The following SEPTIN2 variants were observed in gnomAD, a reference collection of about 807,000 sequenced individuals.
The protein encoded by SEPTIN2 is septin-2.
SEPTIN2 carries 34 observed loss-of-function variants against 46.5 expected under a neutral mutation model. The ratio of observed to expected loss-of-function variants is 0.73; its 90% CI spans 0.56 to 0.97. The LOEUF (loss-of-function observed/expected upper bound fraction) is 0.97. Ranked by LOEUF, SEPTIN2 falls within the 50% of genes least tolerant of loss-of-function variation. The pLI is 0.00. For missense variants in SEPTIN2, 347 were observed against 448.4 expected (o/e 0.77, Z 2.04); for synonymous variants, 175 against 153.4 (o/e 1.14, Z -1.04).
rs747945344 is a variant in SEPTIN2, at chr2:241,337,441, G to A, written c.401G>A (p.Ser134Asn). 2 of 1,614,080 alleles carry A rather than the reference G, an allele frequency of 1.2e-6. No individual in the cohort carries two copies. Among genetic ancestry groups the A allele is most frequent in the Non-Finnish European group, 1.7e-6 (2 of 1,179,996 alleles). Residue 134 changes from serine (S) to asparagine (N), a missense_variant, in exon 6 of 13, where the codon AGC becomes AAC. Transcript: ENST00000391971. ...TTTGAGAGGTACCTGCATGACGAGA[G>A]CGGCTTGAACAGGCGGCACATCATT... Reference protein sequence around the residue: ...EQFERYLHDESGLNRRHIIDN... With the variant: ...EQFERYLHDENGLNRRHIIDN...
intron 1 of SEPTIN2, among the ~76,000 whole-genome samples, chr2:241,320,837 TC>T (rs1342535789): frequency 1.3e-5 from 2 of 151,898 alleles, no homozygotes; most frequent in Non-Finnish European, 2.9e-5. Context: ...CCCTTCTTTT[TC>T]CCCCCCTCAT....
chr2:241,349,379 A>AT lies in SEPTIN2; in HGVS notation c.985-694_985-693insT, dbSNP rs1041717378. ...GCAAGATCCCATCCCTTTAAAAAAA[A>AT]AAAAATATATATATATGTATATGTA... On this transcript the variant is annotated intron_variant, in intron 11 of 12. Transcript: ENST00000391971. 5.3e-4 allele frequency among the ~76,000 whole-genome samples: 74 copies of AT among 139,452 alleles called. No individual in the cohort carries two copies. In the East Asian group the frequency reaches 5.8e-3, roughly 11 times the overall value. 91.5% of individuals were successfully genotyped at this position (139,452 alleles called of 152,430 possible).
intron 10 of SEPTIN2, among the ~76,000 whole-genome samples, chr2:241,347,296 T>C (rs1341309211): frequency 2.0e-5 from 3 of 152,182 alleles, no homozygotes; most frequent in African/African-American, 7.2e-5. Context: ...CACATTCTAA[T>C]AATTTGATGG....
intron 7 of SEPTIN2, among the ~76,000 whole-genome samples, chr2:241,338,030 G>A (rs2080330296): frequency 6.6e-6 from 1 of 152,126 alleles, no homozygotes; most frequent in Non-Finnish European, 1.5e-5. Context: ...AAATGCCCTC[G>A]ATGAGTAGCA....
intron 10 of SEPTIN2, 60 bp from the exon 11 acceptor site, chr2:241,348,074 G>A (rs199520320): frequency 2.3e-6 from 3 of 1,328,896 alleles, no homozygotes; most frequent in Non-Finnish European, 3.2e-6. Context: ...GAATTTTTTG[G>A]GGGGGTAGCA....
At chr2:241,317,515 T>A in intron 1 of SEPTIN2, 1 of 983,836 alleles carries the variant, frequency 1.0e-6, no homozygotes, top group African/African-American at 1.8e-5. Context: ...GAAACTGCTG[T>A]AAAAGAAGAA....
Position 241,335,267 on chromosome 2 carries a change from A to G in SEPTIN2, c.217+55A>G, listed in dbSNP as rs1022765076. The G allele has an allele frequency of 2.6e-5, 42 of 1,593,012 alleles. No individual in the cohort carries two copies. The Admixed American group carries it at 6.9e-4, about 26-fold the overall frequency. ...TAATTCTACATGAAAGATGCTGAAG[A>G]CTGCCTAATTAATATTTTATGTCTT... On this transcript the variant is annotated intron_variant, in intron 4 of 12. Transcript: ENST00000391971.
intron 3 of SEPTIN2, among the ~76,000 whole-genome samples, chr2:241,333,746 G>A (rs374553183): frequency 1.4e-4 from 21 of 152,106 alleles, no homozygotes; most frequent in African/African-American, 4.8e-4. Context: ...CTCATGATCC[G>A]CCTGCCTCGG....
At chr2:241,324,587 G>A (rs554545863) in intron 2 of SEPTIN2, 205 of 370,846 alleles carry the variant, frequency 5.5e-4, no homozygotes, top group Non-Finnish European at 9.5e-4. Context: ...GGGTTTCACC[G>A]TGTTGGCCAG....
At chr2:241,336,411 A>C in intron 5 of SEPTIN2, 1 of 311,074 alleles carries the variant, frequency 3.2e-6, no homozygotes, top group East Asian at 6.7e-5. Flanking sequence ...TGTGGAAGGA[A>C]GTGAAACCTG....
At chr2:241,327,050 C>CAAAAAA (rs59492636) in intron 3 of SEPTIN2, among the ~76,000 whole-genome samples, 1 of 66,014 alleles carries the variant, frequency 1.5e-5, no homozygotes, top group African/African-American at 7.2e-5. Flanking sequence ...AACCTTGTCT[C>CAAAAAA]AAAAAAAAAA....
At chr2:241,322,872 A>AT (rs1392523145) in intron 1 of SEPTIN2, among the ~76,000 whole-genome samples, 2 of 152,142 alleles carry the variant, frequency 1.3e-5, no homozygotes, top group Non-Finnish European at 2.9e-5. Flanking sequence ...AAATGACATA[A>AT]TTCCAGAGGT....
intron 7 of SEPTIN2, among the ~76,000 whole-genome samples, chr2:241,338,771 T>TATAATAC (rs1442553699): frequency 4.6e-5 from 2 of 43,940 alleles, no homozygotes; most frequent in Non-Finnish European, 9.1e-5. Flanking sequence ...ATTGTTTATA[T>TATAATAC]ATATTATATT....
At chr2:241,328,969 G>A (rs541041985) in intron 3 of SEPTIN2, among the ~76,000 whole-genome samples, 86 of 151,932 alleles carry the variant, frequency 5.7e-4, no homozygotes, top group African/African-American at 1.8e-3. Flanking sequence ...GCGGTGAGCC[G>A]AGATCGCGCC....
chr2:241,344,208 G>T (rs374420623), intron 9 of SEPTIN2, among the ~76,000 whole-genome samples: 162 of 152,156 alleles, frequency 1.1e-3, no homozygotes, highest in Non-Finnish European at 2.1e-3. Context: ...CCTAAACTGG[G>T]GTCTGAGAGG....
chr2:241,335,377 G>C (rs1310956219), intron 4 of SEPTIN2, 165 bp downstream of exon 4: 1 of 1,551,774 alleles, frequency 6.4e-7, no homozygotes, highest in East Asian at 2.4e-5. Flanking sequence ...CGAGGTCCTT[G>C]GATTTGGGTT....
Position 241,353,938 on chromosome 2 carries a change from TG to T in SEPTIN2, c.*2002del, listed in dbSNP as rs1281975886. The T allele has an allele frequency of 3.9e-5, 6 of 152,682 alleles. No homozygotes were observed. The East Asian group carries it at 1.2e-3, about 29-fold the overall frequency. The allele number at this position is 152,682 out of a possible 1,614,324, so 9.5% of individuals were successfully genotyped here. On this transcript the variant is annotated 3_prime_UTR_variant, in exon 13 of 13. Transcript: ENST00000391971. ...AAGACATAGTCTCTACCTATAGAAA[TG>T]TATTTTGAAAACACTTATTTTACAC...
chr2:241,321,476 T>G (rs2077111122), intron 1 of SEPTIN2, among the ~76,000 whole-genome samples: 1 of 152,200 alleles, frequency 6.6e-6, no homozygotes, highest in African/African-American at 2.4e-5. Flanking sequence ...ATGTTTGCAC[T>G]AGCCTGCTAT....
chr2:241,340,337 C>G (rs897525179), intron 7 of SEPTIN2, among the ~76,000 whole-genome samples: 4 of 152,150 alleles, frequency 2.6e-5, no homozygotes, highest in African/African-American at 7.2e-5. Context: ...AACACATATA[C>G]TTATTTTTAG....
Sources: gnomAD v4.1 joint callset for allele counts (sites outside exome capture counted in the v4.1 genomes callset) on GRCh38, gnomAD v4.1.1 for gene constraint, MANE v1.5 for transcripts, NCBI Gene and HGNC (gene_info 2026-07-23, HGNC 2026-07-21) for gene names.